RGS5: variants seen among roughly 807,000 people sequenced by gnomAD.
RGS5 encodes regulator of G protein signaling 5, also known as regulator of G-protein signalling 5.
Under a neutral mutation model 18.9 loss-of-function variants are expected in RGS5, and 20 were observed. The observed-to-expected ratio is 1.06, with a 90% confidence interval of 0.74 to 1.54. The LOEUF (loss-of-function observed/expected upper bound fraction) is 1.54. Among genes scored for constraint, RGS5 ranks in the 40% most tolerant of loss-of-function variants. The probability of loss-of-function intolerance (pLI) is 0.00; values close to 1 mark genes in which losing one functional copy is unlikely to be tolerated. For missense variants in RGS5, 201 were observed against 211.8 expected (o/e 0.95, Z 0.32); for synonymous variants, 57 against 76.2 (o/e 0.75, Z 1.31).
chr1:163,276,852 A>T (rs1288639873), intron 2 of RGS5, among the ~76,000 whole-genome samples: 1 of 152,232 alleles, frequency 6.6e-6, no homozygotes, highest in Non-Finnish European at 1.5e-5. Flanking sequence ...ATAAAATTCC[A>T]GCCTTTTGAA....
intron 2 of RGS5, among the ~76,000 whole-genome samples, chr1:163,250,691 T>C (rs1422769154): frequency 6.6e-6 from 1 of 152,066 alleles, no homozygotes; most frequent in East Asian, 1.9e-4. Context: ...CCCGAAAAAA[T>C]AGAAAATATT....
chr1:163,146,832 A>C lies in RGS5; in HGVS notation c.*510T>G, dbSNP rs756574908. 3 of 152,244 alleles carry C rather than the reference A, an allele frequency of 2.0e-5. No individual in the cohort carries two copies. Among genetic ancestry groups the C allele is most frequent in the African/African-American group, 7.2e-5 (3 of 41,468 alleles). 9.4% of individuals were successfully genotyped at this position (152,244 alleles called of 1,614,324 possible). On this transcript the variant is annotated 3_prime_UTR_variant, in exon 5 of 5. Coordinates refer to ENST00000313961, the MANE Select transcript of RGS5 (RefSeq NM_003617.4). ...AAATAACATATTTGCTTAAAATATC[A>C]TACAGTGGCTGCTTCATAAAAATCT...
chr1:163,177,412 A>G (rs570360474), intron 1 of RGS5, among the ~76,000 whole-genome samples: 1 of 152,374 alleles, frequency 6.6e-6, no homozygotes, highest in Admixed American at 6.5e-5. Context: ...AATAAGTCAT[A>G]CAAACATTTT....
intron 2 of RGS5, chr1:163,304,463 T>C (rs1649643586): frequency 6.6e-6 from 1 of 152,144 alleles, no homozygotes; most frequent in South Asian, 2.1e-4. Context: ...ATTTAATAGG[T>C]TTAATATGCA....
chr1:163,307,352 T>C lies in RGS5; in HGVS notation c.-377-1023A>G, dbSNP rs967231864. Among the ~76,000 whole-genome samples the C allele has an allele frequency of 5.9e-5, 9 of 152,206 alleles. No individual in the cohort carries two copies. In the South Asian group the frequency reaches 1.0e-3, roughly 17 times the overall value. On this transcript the variant is annotated intron_variant, in intron 1 of 5. Coordinates refer to the RGS5 transcript ENST00000618415. ...GGGTCTACATTGCCAAGTGGTAAAATAGTTGGAGAACTTAACAATGTCTTC... is the reference window on the plus strand; with the variant it reads ...GGGTCTACATTGCCAAGTGGTAAAACAGTTGGAGAACTTAACAATGTCTTC...
intron 3 of RGS5, among the ~76,000 whole-genome samples, chr1:163,159,267 T>C (rs1158860460): frequency 6.6e-6 from 1 of 152,124 alleles, no homozygotes; most frequent in Non-Finnish European, 1.5e-5. Context: ...ATTACGGGAT[T>C]AAGAGATTAA....
chr1:163,289,429 T>G (rs1649223502), intron 2 of RGS5, among the ~76,000 whole-genome samples: 1 of 152,110 alleles, frequency 6.6e-6, no homozygotes, highest in African/African-American at 2.4e-5. Context: ...TTTTCAAATC[T>G]AGAGAACGCA....
chr1:163,294,182 A>AC (rs930660192), intron 2 of RGS5, among the ~76,000 whole-genome samples: 1 of 151,904 alleles, frequency 6.6e-6, no homozygotes, highest in Non-Finnish European at 1.5e-5. Flanking sequence ...GGGGACTCCA[A>AC]CCCCCCATTT....
At chr1:163,148,186 C>T (rs1657232867) in intron 4 of RGS5, among the ~76,000 whole-genome samples, 1 of 152,058 alleles carries the variant, frequency 6.6e-6, no homozygotes, top group Non-Finnish European at 1.5e-5. Flanking sequence ...CTCGGCCTCC[C>T]AAAGTGCTGG....
At chr1:163,214,625 C>T (rs927575256) in intron 1 of RGS5, among the ~76,000 whole-genome samples, 2 of 152,228 alleles carry the variant, frequency 1.3e-5, no homozygotes, top group East Asian at 3.9e-4. Context: ...CCAACCACAG[C>T]TCCTTTATCT....
intron 1 of RGS5, among the ~76,000 whole-genome samples, chr1:163,306,866 T>C (rs1649714616): frequency 1.3e-5 from 2 of 152,108 alleles, no homozygotes; most frequent in Non-Finnish European, 1.5e-5. Flanking sequence ...AACCGATTCA[T>C]CCTCACAGCC....
chr1:163,282,957 A>G (rs79676332), intron 2 of RGS5, among the ~76,000 whole-genome samples: 3,011 of 152,316 alleles, frequency 0.02, 52 homozygotes, highest in Non-Finnish European at 0.03. Flanking sequence ...CCAGCCATAA[A>G]AAAATGACCT....
rs1243874158 is a variant in RGS5, at chr1:163,146,762, T to C, written c.*580A>G. Reference sequence around the variant, plus strand: ...TCATGGTTGTATCTCTTATTTATAATACCCAACTAACATGAAGGTGGTCCA... The same window carrying C: ...TCATGGTTGTATCTCTTATTTATAACACCCAACTAACATGAAGGTGGTCCA... On this transcript the variant is annotated 3_prime_UTR_variant, in exon 5 of 5. Transcript: ENST00000313961. 6.6e-6 allele frequency: 1 copy of C among 152,192 alleles called. No homozygotes were observed. Among genetic ancestry groups the C allele is most frequent in the African/African-American group, 2.4e-5 (1 of 41,458 alleles). The allele number at this position is 152,192 out of a possible 1,614,324, so 9.4% of individuals were successfully genotyped here. A position where few individuals can be genotyped will look rare whatever the true frequency, so the allele number is the denominator to read the frequency against.
chr1:163,298,070 T>A (rs1478246292), intron 2 of RGS5, among the ~76,000 whole-genome samples: 1 of 151,894 alleles, frequency 6.6e-6, no homozygotes, highest in African/African-American at 2.4e-5. Context: ...CATTCTTTAA[T>A]TTCCTTGTTT....
chr1:163,280,301 A>G (rs1294393296), intron 2 of RGS5, among the ~76,000 whole-genome samples: 1 of 152,134 alleles, frequency 6.6e-6, no homozygotes, highest in African/African-American at 2.4e-5. Flanking sequence ...CATCAAAAAG[A>G]TAATACATCA....
At chr1:163,162,299 C>T (rs1255713257) in intron 2 of RGS5, among the ~76,000 whole-genome samples, 1 of 152,080 alleles carries the variant, frequency 6.6e-6, no homozygotes, top group African/African-American at 2.4e-5. Flanking sequence ...CAACTGTGGT[C>T]TTTTTTCCAA....
In RGS5 at chr1:163,168,256, A is replaced by C; in HGVS notation, c.155+2T>G. 1.9e-6 allele frequency: 3 copies of C among 1,608,030 alleles called. No individual in the cohort carries two copies. Among genetic ancestry groups the C allele is most frequent in the Non-Finnish European group, 2.6e-6 (3 of 1,174,604 alleles). On this transcript the variant is annotated splice_donor_variant, in intron 2 of 4. Coordinates refer to ENST00000313961, the MANE Select transcript of RGS5 (RefSeq NM_003617.4). LOFTEE classifies it high-confidence loss of function. ...TGAGTGGAATCCATATTCATGACTC[A>C]CTTCTGGGTCTTGGCTGGTTTCTCT...
rs1014007054 is a variant in RGS5, at chr1:163,143,223, C to T, written c.*4119G>A. The T allele has an allele frequency of 2.6e-5, 4 of 152,114 alleles. No individual in the cohort carries two copies. Among genetic ancestry groups the T allele is most frequent in the Admixed American group, 6.6e-5 (1 of 15,258 alleles). 9.4% of individuals were successfully genotyped at this position (152,114 alleles called of 1,614,324 possible). On this transcript the variant is annotated 3_prime_UTR_variant, in exon 5 of 5. Transcript: ENST00000313961. ...AAGAGCCTTGTGCGAAGCAAGTGTT[C>T]GATACGTGCTTGTCTAATAGAATGA...
chr1:163,171,686 TTA>T (rs1219165797), intron 1 of RGS5, among the ~76,000 whole-genome samples: 7 of 152,320 alleles, frequency 4.6e-5, no homozygotes, highest in African/African-American at 1.7e-4. Flanking sequence ...TAAGGGATAA[TTA>T]GAACAAAGAA....
Sources: allele counts gnomAD v4.1 joint callset (sites outside exome capture counted in the v4.1 genomes callset), GRCh38; gene constraint gnomAD v4.1.1; transcripts MANE v1.5; gene names NCBI Gene and HGNC (gene_info 2026-07-23, HGNC 2026-07-21).